Variants in RAP1GDS1 observed in about 807,000 individuals in gnomAD.
RAP1GDS1 encodes Rap1 GTPase-GDP dissociation stimulator 1.
In RAP1GDS1, 35 loss-of-function variants were observed where a neutral mutation model predicts 71.1. That is an observed-to-expected ratio of 0.49 (90% CI 0.38 to 0.65). The LOEUF is 0.65. Among genes scored for constraint, RAP1GDS1 ranks in the 30% least tolerant of loss-of-function variants. RAP1GDS1 has a pLI of 0.00. For synonymous variants in RAP1GDS1, 229 were observed against 243.1 expected (o/e 0.94, Z 0.54); for missense variants, 663 against 706.1 (o/e 0.94, Z 0.69).
chr4:98,316,730 C>G (rs1472439419), intron 2 of RAP1GDS1, among the ~76,000 whole-genome samples: 1 of 152,078 alleles, frequency 6.6e-6, no homozygotes, highest in Non-Finnish European at 1.5e-5. Context: ...AGCTCCAAGC[C>G]TGGGTCTTGG....
intron 1 of RAP1GDS1, among the ~76,000 whole-genome samples, chr4:98,281,166 TGG>T (rs57114208): frequency 0.15 from 22,363 of 152,090 alleles, 2,437 homozygotes; most frequent in African/African-American, 0.3. Context: ...GGTAGCTTGA[TGG>T]GGGGATGGCA....
chr4:98,391,892 A>G, intron 5 of RAP1GDS1, 60 bp from the exon 6 acceptor site: 1 of 1,440,038 alleles, frequency 6.9e-7, no homozygotes, highest in South Asian at 1.4e-5. Context: ...TCTTCTTATA[A>G]TGTTCATTTG....
intron 4 of RAP1GDS1, among the ~76,000 whole-genome samples, chr4:98,363,816 T>C (rs965242877): frequency 6.6e-6 from 1 of 152,178 alleles, no homozygotes; most frequent in African/African-American, 2.4e-5. Flanking sequence ...ACTTTTGTGA[T>C]TGTCCAGTCA....
chr4:98,386,807 T>C (rs1742836045), intron 5 of RAP1GDS1, among the ~76,000 whole-genome samples: 1 of 152,060 alleles, frequency 6.6e-6, no homozygotes, highest in South Asian at 2.1e-4. Flanking sequence ...ATCATCCTCT[T>C]GGTAGCCATA....
At chr4:98,404,383 T>G in intron 6 of RAP1GDS1, 94 bp from the exon 7 acceptor site, 1 of 1,195,690 alleles carries the variant, frequency 8.4e-7, no homozygotes, top group South Asian at 1.6e-5. Context: ...TATTTGTATT[T>G]ATCAGTAATG....
chr4:98,291,663 G>A (rs529235857), intron 1 of RAP1GDS1, among the ~76,000 whole-genome samples: 2 of 152,210 alleles, frequency 1.3e-5, no homozygotes, highest in East Asian at 3.9e-4. Context: ...GAGTCACAAT[G>A]GGATTACTAG....
At chr4:98,441,531 G>A (rs1751866407) in intron 14 of RAP1GDS1, 1 of 983,074 alleles carries the variant, frequency 1.0e-6, no homozygotes, top group Non-Finnish European at 1.2e-6. Context: ...AGATCATACA[G>A]TGAGCTGTGT....
At chr4:98,332,383 C>T (rs534166753) in intron 2 of RAP1GDS1, among the ~76,000 whole-genome samples, 1 of 152,108 alleles carries the variant, frequency 6.6e-6, no homozygotes, top group Non-Finnish European at 1.5e-5. Flanking sequence ...CATTGCTTTT[C>T]TAGTCCTTCA....
At chr4:98,377,024 C>T (rs1467257172) in intron 4 of RAP1GDS1, among the ~76,000 whole-genome samples, 27 of 151,918 alleles carry the variant, frequency 1.8e-4, no homozygotes, top group Non-Finnish European at 1.5e-5. Context: ...AAGAAGCCAG[C>T]TTTCATTCAC....
chr4:98,420,312 G>A (rs567572175), intron 11 of RAP1GDS1, among the ~76,000 whole-genome samples, 168 bp downstream of exon 11: 1 of 151,174 alleles, frequency 6.6e-6, no homozygotes, highest in Admixed American at 6.6e-5. Context: ...TTTTATGCTT[G>A]TTATAATTAT....
chr4:98,292,756 T>A (rs1442794994), intron 1 of RAP1GDS1, among the ~76,000 whole-genome samples: 4 of 152,158 alleles, frequency 2.6e-5, no homozygotes, highest in African/African-American at 7.2e-5. Flanking sequence ...AGCAATAATA[T>A]AAACAAAAGC....
At chr4:98,265,378 G>A (rs1722588418) in intron 1 of RAP1GDS1, among the ~76,000 whole-genome samples, 1 of 152,070 alleles carries the variant, frequency 6.6e-6, no homozygotes, top group Non-Finnish European at 1.5e-5. Flanking sequence ...AGACTTTTTG[G>A]TCTGTCCTTT....
chr4:98,265,403 G>A (rs536903615), intron 1 of RAP1GDS1, among the ~76,000 whole-genome samples: 9 of 152,244 alleles, frequency 5.9e-5, no homozygotes, highest in African/African-American at 2.2e-4. Flanking sequence ...TCTGCTCCTT[G>A]ATAACAAGGA....
chr4:98,331,633 C>T (rs573148048), intron 2 of RAP1GDS1, among the ~76,000 whole-genome samples: 1 of 152,210 alleles, frequency 6.6e-6, no homozygotes, highest in South Asian at 2.1e-4. Context: ...ACTGAAAGAT[C>T]TAGTATCACC....
At chr4:98,407,217 G>A (rs1364607638) in intron 7 of RAP1GDS1, among the ~76,000 whole-genome samples, 1 of 151,836 alleles carries the variant, frequency 6.6e-6, no homozygotes, top group Non-Finnish European at 1.5e-5. Flanking sequence ...TATTGTTTCT[G>A]ATTGTACTTA....
At chr4:98,340,639 C>T (rs1469355655) in intron 2 of RAP1GDS1, among the ~76,000 whole-genome samples, 1 of 152,058 alleles carries the variant, frequency 6.6e-6, no homozygotes, top group Non-Finnish European at 1.5e-5. Context: ...ATCTCAGCTG[C>T]TTGGGAGGCT....
At chr4:98,439,130 A>C (rs1384331516) in intron 14 of RAP1GDS1, among the ~76,000 whole-genome samples, 1 of 152,036 alleles carries the variant, frequency 6.6e-6, no homozygotes, top group Non-Finnish European at 1.5e-5. Context: ...ATTTTTAGCC[A>C]AAAAAAATTT....
intron 13 of RAP1GDS1, among the ~76,000 whole-genome samples, chr4:98,436,195 C>T (rs2110222396): frequency 6.6e-6 from 1 of 152,232 alleles, no homozygotes; most frequent in East Asian, 1.9e-4. Flanking sequence ...TGTCTTTCCT[C>T]CACTGCACTG....
At chr4:98,261,942 C>T (rs1411911054) in intron 1 of RAP1GDS1, among the ~76,000 whole-genome samples, 1 of 152,254 alleles carries the variant, frequency 6.6e-6, no homozygotes, top group Non-Finnish European at 1.5e-5. Context: ...TCCTTTTCCC[C>T]CGCGTGTACT....
Sources: gnomAD v4.1 joint callset for allele counts (sites outside exome capture counted in the v4.1 genomes callset) on GRCh38, gnomAD v4.1.1 for gene constraint, MANE v1.5 for transcripts, NCBI Gene and HGNC (gene_info 2026-07-23, HGNC 2026-07-21) for gene names.